The following PCDHGA6 variants were observed in gnomAD, a reference collection of about 807,000 sequenced individuals.
PCDHGA6 encodes protocadherin gamma-A6.
Under a neutral mutation model 60.6 loss-of-function variants are expected in PCDHGA6, and 41 were observed. That is an observed-to-expected ratio of 0.68 (90% CI 0.53 to 0.88). The LOEUF is 0.88. Among genes scored for constraint, PCDHGA6 ranks in the 40% least tolerant of loss-of-function variants. PCDHGA6 has a pLI of 0.00. For synonymous variants in PCDHGA6, 594 were observed against 524.4 expected, an observed-to-expected ratio of 1.13 and a Z score of -1.81; for missense variants, 1,312 against 1,203.0, an observed-to-expected ratio of 1.09 and a Z score of -1.34.
chr5:141,398,914 C>G, intron 1 of PCDHGA6: 1 of 1,613,964 alleles, frequency 6.2e-7, no homozygotes, highest in Non-Finnish European at 8.5e-7. Flanking sequence ...CACTGTGTTG[C>G]AAGTGTCAGC....
chr5:141,507,631 C>A (rs1435446169), intron 3 of PCDHGA6, among the ~76,000 whole-genome samples: 1 of 152,236 alleles, frequency 6.6e-6, no homozygotes, highest in Non-Finnish European at 1.5e-5. Context: ...TGTGGCCTTG[C>A]GCCCTGAGGC....
At chr5:141,466,754 C>T (rs1045917268) in intron 1 of PCDHGA6, among the ~76,000 whole-genome samples, 1 of 152,138 alleles carries the variant, frequency 6.6e-6, no homozygotes, top group African/African-American at 2.4e-5. Context: ...GATAGGGGCT[C>T]TTTTCAAACT....
rs543908773 is a variant in PCDHGA6, at chr5:141,400,145, A to G, written c.2424+23638A>G. ...CAGGAGGTGCTGCCGGATATCACTG[A>G]CCGCCCTGTACCCTCTGACCCCCAG... On this transcript the variant is annotated intron_variant, in intron 1 of 3. Coordinates refer to ENST00000517434, the MANE Select transcript of PCDHGA6 (RefSeq NM_018919.3). The G allele has an allele frequency of 4.1e-5, 66 of 1,613,312 alleles. No individual in the cohort carries two copies. The South Asian group carries it at 5.4e-4, about 13-fold the overall frequency.
rs754682469 is a variant in PCDHGA6 at position 141,375,116 on chromosome 5, C to T, written c.1033C>T (p.Pro345Ser). Residue 345 changes from proline to serine, a missense_variant, in exon 1 of 4, where the codon CCA becomes TCA. Physicochemically the swap from Pro to Ser is moderately conservative, Grantham distance 74. Transcript: ENST00000517434. ...TATCTTGGATGTCAATGATAATGTA[C>T]CAGAAGTGGTTGTTACATCTGGAAG... ...ITILDVNDNV[P>S]EVVVTSGSRT... is the part of the protein sequence containing the mutation. The T allele has an allele frequency of 3.7e-6, 6 of 1,613,886 alleles. No individual in the cohort carries two copies. Among genetic ancestry groups the T allele is most frequent in the Non-Finnish European group, 4.2e-6 (5 of 1,179,896 alleles).
intron 1 of PCDHGA6, chr5:141,399,545 C>T (rs978973236): frequency 6.2e-7 from 1 of 1,614,050 alleles, no homozygotes; most frequent in African/African-American, 1.3e-5. Flanking sequence ...GTCTGCGCCT[C>T]GGACCTGGAC....
At position 141,431,468 on chromosome 5, in the gene PCDHGA6, G is replaced by A. The variant is rs756718016; in HGVS notation, c.2424+54961G>A. ...CCGCGTGATGGTTCTGGATGCGAAC[G>A]ACAACGCACCAGCGTTTGCTCAGCC... On this transcript the variant is annotated intron_variant, in intron 1 of 3. Transcript: ENST00000517434. This position sits in a 1 kb window ranked among gnomAD's most constrained non-coding sequence, Gnocchi z 4.8. The A allele has an allele frequency of 3.7e-6, 6 of 1,613,804 alleles. No homozygotes were observed. In the Admixed American group the frequency reaches 8.3e-5, roughly 22 times the overall value.
intron 1 of PCDHGA6, chr5:141,410,184 A>G: frequency 6.2e-7 from 1 of 1,613,918 alleles, no homozygotes; most frequent in Non-Finnish European, 8.5e-7. Flanking sequence ...GCCACGCTTC[A>G]TCTGGTCTTC....
chr5:141,399,546 G>T, intron 1 of PCDHGA6: 1 of 1,614,032 alleles, frequency 6.2e-7, no homozygotes. Flanking sequence ...TCTGCGCCTC[G>T]GACCTGGACT....
chr5:141,507,862 G>T (rs17286954), intron 3 of PCDHGA6, among the ~76,000 whole-genome samples: 20,426 of 152,154 alleles, frequency 0.13, 1,374 homozygotes, highest in Admixed American at 0.16. Context: ...TTTCACACCC[G>T]CTTCCTAGCC....
At chr5:141,404,302 T>G (rs377754198) in intron 1 of PCDHGA6, 1 of 1,613,858 alleles carries the variant, frequency 6.2e-7, no homozygotes, top group African/African-American at 1.3e-5. Flanking sequence ...ATAATCCACC[T>G]GCTTTCTCTC....
intron 2 of PCDHGA6, among the ~76,000 whole-genome samples, chr5:141,497,540 CT>C (rs754207034): frequency 0.18 from 24,498 of 134,808 alleles, 2,020 homozygotes; most frequent in African/African-American, 0.21. Flanking sequence ...TGCAACAAAC[CT>C]TTTTTTTTTT....
intron 1 of PCDHGA6, chr5:141,420,199 C>G (rs764130526): frequency 6.2e-7 from 1 of 1,613,362 alleles, no homozygotes; most frequent in Non-Finnish European, 8.5e-7. Flanking sequence ...CACAAGATAA[C>G]CTCAACAAAG....
At chr5:141,418,806 C>A in intron 1 of PCDHGA6, 1 of 1,613,696 alleles carries the variant, frequency 6.2e-7, no homozygotes, top group Non-Finnish European at 8.5e-7. Context: ...GAAAGATATA[C>A]GATAAACATA....
intron 1 of PCDHGA6, chr5:141,398,756 T>C: frequency 1.9e-6 from 3 of 1,613,924 alleles, no homozygotes; most frequent in Non-Finnish European, 2.5e-6. Context: ...TACCATCGTT[T>C]AGTCCTGACT....
chr5:141,374,535 G>A lies in PCDHGA6; in HGVS notation c.452G>A (p.Arg151His), dbSNP rs752542327. 1.9e-6 allele frequency: 3 copies of A among 1,613,092 alleles called. No individual in the cohort carries two copies. The highest frequency in any genetic ancestry group is 2.2e-5 in the South Asian group (2 of 91,084). ...KILENAAPSSRFPLMEVYDPD... is the reference protein window; with the variant it reads ...KILENAAPSSHFPLMEVYDPD... ...CTCGAAAACGCAGCTCCATCCTCTCGTTTTCCACTAATGGAGGTCTATGAC... is the reference window on the plus strand; with the variant it reads ...CTCGAAAACGCAGCTCCATCCTCTCATTTTCCACTAATGGAGGTCTATGAC... Residue 151 changes from arginine (R) to histidine (H), a missense_variant, in exon 1 of 4, where the codon CGT (arginine) becomes CAT (histidine). By Grantham distance (29) the Arg-to-His change is conservative. Transcript: ENST00000517434.
intron 1 of PCDHGA6, chr5:141,388,422 C>T (rs68033444): frequency 0.056 from 89,796 of 1,613,752 alleles, 3,047 homozygotes; most frequent in African/African-American, 0.15. Flanking sequence ...TCATTTCTCA[C>T]TGATAAATAA....
chr5:141,509,709 T>C (rs1344120168), intron 3 of PCDHGA6, among the ~76,000 whole-genome samples: 1 of 152,200 alleles, frequency 6.6e-6, no homozygotes, highest in African/African-American at 2.4e-5. Context: ...CTGGAGGTGC[T>C]GTCTGATGTC....
intron 1 of PCDHGA6, chr5:141,423,368 C>A: frequency 3.1e-6 from 5 of 1,614,200 alleles, no homozygotes; most frequent in Non-Finnish European, 4.2e-6. Context: ...GTGCTGCTGG[C>A]ACTCAGGCTG....
intron 1 of PCDHGA6, chr5:141,404,496 A>G (rs773471878): frequency 2.7e-5 from 43 of 1,613,778 alleles, no homozygotes; most frequent in East Asian, 2.2e-5. Context: ...GGTGTGCTGT[A>G]TGCTCTGTGC....
Sources: allele counts gnomAD v4.1 joint callset (sites outside exome capture counted in the v4.1 genomes callset), GRCh38; gene constraint gnomAD v4.1.1; non-coding constraint Gnocchi (gnomAD v3.1); transcripts MANE v1.5; gene names NCBI Gene and HGNC (gene_info 2026-07-23, HGNC 2026-07-21).